The following PIEZO2 variants were observed in gnomAD, a reference collection of about 807,000 sequenced individuals.
PIEZO2 encodes piezo-type mechanosensitive ion channel component 2.
In PIEZO2, 172 loss-of-function variants were observed where a neutral mutation model predicts 337.3. That is an observed-to-expected ratio of 0.51 (90% CI 0.45 to 0.58). PIEZO2 has a LOEUF of 0.58. Among genes scored for constraint, PIEZO2 ranks in the 20% least tolerant of loss-of-function variants. The pLI is 0.00. For synonymous variants in PIEZO2, 1,251 were observed against 1,228.5 expected (o/e 1.02, Z -0.38); for missense variants, 3,028 against 3,391.3 (o/e 0.89, Z 2.66).
Position 11,148,888 on chromosome 18 carries a change from G to T in PIEZO2, c.-300C>A. The T allele has an allele frequency of 2.8e-6, 1 of 350,958 alleles. No homozygotes were observed. The highest frequency in any genetic ancestry group is 5.1e-6 in the Non-Finnish European group (1 of 197,506). The allele number at this position is 350,958 out of a possible 1,614,324, so 21.7% of individuals were successfully genotyped here. On this transcript the variant is annotated 5_prime_UTR_variant, in exon 1 of 56. Coordinates refer to ENST00000674853, the MANE Select transcript of PIEZO2 (RefSeq NM_001378183.1). This position sits in a 1 kb window ranked among gnomAD's most constrained non-coding sequence, Gnocchi z 5.2. ...TGTGAATCCTGGATCCGGCAGCGGCGGCGGCTTCTTCAGGGGTAGCTGATG... is the reference window on the plus strand; with the variant it reads ...TGTGAATCCTGGATCCGGCAGCGGCTGCGGCTTCTTCAGGGGTAGCTGATG...
chr18:10,909,525 G>GTAT (rs2030270581), intron 4 of PIEZO2, among the ~76,000 whole-genome samples: 1 of 19,942 alleles, frequency 5.0e-5, no homozygotes, highest in African/African-American at 1.9e-4. Flanking sequence ...TATGATGATG[G>GTAT]CACTATTCTG....
rs141967572 is a variant in PIEZO2 at position 11,078,423 on chromosome 18, T to C, written c.65-12201A>G. 1.4e-3 allele frequency among the ~76,000 whole-genome samples: 209 copies of C among 152,304 alleles called. 1 individual carries two copies. The highest frequency in any genetic ancestry group is 4.7e-3 in the African/African-American group (195 of 41,574). Reference sequence around the variant, plus strand: ...CTATAATGCAGTCCTATTTCTTCTATCTCCAGCACATGATGCGACCCAACA... The same window carrying C: ...CTATAATGCAGTCCTATTTCTTCTACCTCCAGCACATGATGCGACCCAACA... On this transcript the variant is annotated intron_variant, in intron 1 of 55. Coordinates refer to ENST00000674853, the MANE Select transcript of PIEZO2 (RefSeq NM_001378183.1). This position sits in a 1 kb window ranked among gnomAD's most constrained non-coding sequence, Gnocchi z 5.3.
At chr18:10,995,003 C>T (rs370363507) in intron 2 of PIEZO2, among the ~76,000 whole-genome samples, 7 of 144,976 alleles carry the variant, frequency 4.8e-5, no homozygotes, top group African/African-American at 1.3e-4. Flanking sequence ...ACCCGGGAGG[C>T]GGAGGTTGCA....
At chr18:11,115,548 T>C (rs1454367507) in intron 1 of PIEZO2, among the ~76,000 whole-genome samples, 1 of 152,204 alleles carries the variant, frequency 6.6e-6, no homozygotes, top group Admixed American at 6.5e-5. Flanking sequence ...AAAGCCTATG[T>C]ATTGAGACAA....
chr18:11,135,868 G>C (rs1216985009), intron 1 of PIEZO2, among the ~76,000 whole-genome samples: 1 of 152,156 alleles, frequency 6.6e-6, no homozygotes, highest in South Asian at 2.1e-4. Flanking sequence ...GATTAGCACT[G>C]CATTATCAAC....
At chr18:10,741,447 G>A (rs747184340) in intron 32 of PIEZO2, among the ~76,000 whole-genome samples, 1 of 152,090 alleles carries the variant, frequency 6.6e-6, no homozygotes, top group African/African-American at 2.4e-5. Flanking sequence ...AAATTTTACA[G>A]AATCATTTAC....
chr18:11,072,819 A>G (rs564635628), intron 1 of PIEZO2, among the ~76,000 whole-genome samples: 15 of 152,226 alleles, frequency 9.9e-5, no homozygotes, highest in East Asian at 9.7e-4. Flanking sequence ...TCACCAGTGA[A>G]ATGTCAAGGG....
intron 3 of PIEZO2, among the ~76,000 whole-genome samples, chr18:10,963,415 A>G (rs559950933): frequency 1.1e-4 from 17 of 152,344 alleles, no homozygotes; most frequent in African/African-American, 4.1e-4. Context: ...GGTACAATAG[A>G]AAGGTCTCAC....
rs375945571 is a variant in PIEZO2, at chr18:10,796,878, C to T, written c.1527+496G>A. On this transcript the variant is annotated intron_variant, in intron 12 of 55. Coordinates refer to ENST00000674853, the MANE Select transcript of PIEZO2 (RefSeq NM_001378183.1). ...TACATACCATCAGATATTGTACACA[C>T]CATCATATCATACATACCATCATAT... Among the ~76,000 whole-genome samples, 47 of 152,190 alleles carry T rather than the reference C, an allele frequency of 3.1e-4. 1 individual carries two copies. Among genetic ancestry groups the T allele is most frequent in the African/African-American group, 1.1e-3 (46 of 41,496 alleles).
Position 11,102,802 on chromosome 18 carries a change from C to T in PIEZO2, c.65-36580G>A, listed in dbSNP as rs891950038. Among the ~76,000 whole-genome samples the T allele has an allele frequency of 6.6e-6, 1 of 152,194 alleles. No homozygotes were observed. Among genetic ancestry groups the T allele is most frequent in the Non-Finnish European group, 1.5e-5 (1 of 68,044 alleles). On this transcript the variant is annotated intron_variant, in intron 1 of 55. Coordinates refer to ENST00000674853, the MANE Select transcript of PIEZO2 (RefSeq NM_001378183.1). The surrounding 1 kb of genome is among the most constrained non-coding windows in gnomAD (Gnocchi z 5.7). Reference sequence around the variant, plus strand: ...TTCTGGACAGTCTGCTTGGACAGGACTTCAGACTTCAGATGGTTCCAGGCC... The same window carrying T: ...TTCTGGACAGTCTGCTTGGACAGGATTTCAGACTTCAGATGGTTCCAGGCC...
chr18:10,699,797 T>C (rs555172872), intron 43 of PIEZO2, among the ~76,000 whole-genome samples: 2 of 152,172 alleles, frequency 1.3e-5, no homozygotes, highest in Non-Finnish European at 2.9e-5. Context: ...ACTTGACTTA[T>C]TGGATGGAAA....
At chr18:10,798,607 C>A (rs1358814354) in intron 11 of PIEZO2, among the ~76,000 whole-genome samples, 1 of 152,210 alleles carries the variant, frequency 6.6e-6, no homozygotes, top group African/African-American at 2.4e-5. Context: ...TTTTTAAAAT[C>A]TTTCCAGCTT....
intron 1 of PIEZO2, among the ~76,000 whole-genome samples, chr18:11,138,296 T>G (rs1384087927): frequency 1.3e-5 from 2 of 152,030 alleles, no homozygotes. Context: ...TTGTTGTAGT[T>G]TTGTTTGTTT....
intron 28 of PIEZO2, 53 bp downstream of exon 28, chr18:10,752,583 T>A: frequency 6.6e-7 from 1 of 1,512,404 alleles, no homozygotes; most frequent in East Asian, 2.5e-5. Flanking sequence ...CTGAGTGGAC[T>A]GTTTACTCTT....
chr18:11,082,538 C>T (rs1455955781), intron 1 of PIEZO2, among the ~76,000 whole-genome samples: 3 of 152,040 alleles, frequency 2.0e-5, no homozygotes, highest in African/African-American at 4.8e-5. Flanking sequence ...AGGATGGTCT[C>T]GATCTCCTGA....
chr18:10,985,598 A>T (rs79457322), intron 2 of PIEZO2, among the ~76,000 whole-genome samples: 5,069 of 152,136 alleles, frequency 0.033, 145 homozygotes, highest in African/African-American at 0.072. Flanking sequence ...GCTTCGTAAT[A>T]CAATTTGAAA....
rs1302530666 is a variant in PIEZO2, at chr18:10,929,239, G to A, written c.287-18011C>T. 6.6e-6 allele frequency among the ~76,000 whole-genome samples: 1 copy of A among 152,156 alleles called. No homozygotes were observed. Among genetic ancestry groups the A allele is most frequent in the South Asian group, 2.1e-4 (1 of 4,834 alleles). ...CAACTCACTGCCCTTCTGAAATGGAGAACTCAAGAAAAGAAATTAAAAGTG... is the reference window on the plus strand; with the variant it reads ...CAACTCACTGCCCTTCTGAAATGGAAAACTCAAGAAAAGAAATTAAAAGTG... On this transcript the variant is annotated intron_variant, in intron 3 of 55. Transcript: ENST00000674853. The surrounding 1 kb of genome is among the most constrained non-coding windows in gnomAD (Gnocchi z 5.6).
At position 11,027,679 on chromosome 18, in the gene PIEZO2, G is replaced by T. The variant is rs2036584157; in HGVS notation, c.160+38448C>A. On this transcript the variant is annotated intron_variant, in intron 2 of 55. Transcript: ENST00000674853. The surrounding 1 kb of genome is among the most constrained non-coding windows in gnomAD (Gnocchi z 4.2). ...CGGTGGGGTTTAAGTTCCATTTGGG[G>T]TTGTCTTTCACAATTATGTTGTACA... is the stretch of plus-strand genomic sequence containing the variant. Among the ~76,000 whole-genome samples, 1 of 152,054 alleles carries T rather than the reference G, an allele frequency of 6.6e-6. No individual in the cohort carries two copies. The highest frequency in any genetic ancestry group is 1.5e-5 in the Non-Finnish European group (1 of 68,008).
At chr18:10,864,189 ACT>A (rs1212015277) in intron 5 of PIEZO2, among the ~76,000 whole-genome samples, 1 of 152,188 alleles carries the variant, frequency 6.6e-6, no homozygotes, top group Non-Finnish European at 1.5e-5. Context: ...CAGAGAAGGT[ACT>A]GTTTCAGAAT....
Sources: allele counts gnomAD v4.1 joint callset (sites outside exome capture counted in the v4.1 genomes callset), GRCh38; gene constraint gnomAD v4.1.1; non-coding constraint Gnocchi (gnomAD v3.1); transcripts MANE v1.5; gene names NCBI Gene and HGNC (gene_info 2026-07-23, HGNC 2026-07-21).